AFG2B: variants seen among roughly 807,000 people sequenced by gnomAD.
The protein encoded by AFG2B is ATPase family gene 2 protein homolog B.
At chr15:45,418,093 C>T in the AFG2B span, among the ~76,000 whole-genome samples, 1 of 152,124 alleles carries the variant, frequency 6.6e-6, no homozygotes, top group African/African-American at 2.4e-5. Context: ...TCTGTAATCC[C>T]AGCACTTTGG....
chr15:45,410,185 G>T, the AFG2B span, among the ~76,000 whole-genome samples: 1 of 152,160 alleles, frequency 6.6e-6, no homozygotes, highest in Non-Finnish European at 1.5e-5. Context: ...ATCTTTCGGG[G>T]AAGAATTACT....
the AFG2B span, among the ~76,000 whole-genome samples, chr15:45,415,297 G>C: frequency 6.6e-6 from 1 of 152,018 alleles, no homozygotes; most frequent in Non-Finnish European, 1.5e-5. Context: ...AGGAGTTCAA[G>C]ACCAGCCTGG....
chr15:45,411,005 C>T, the AFG2B span, among the ~76,000 whole-genome samples: 2 of 152,108 alleles, frequency 1.3e-5, no homozygotes, highest in Non-Finnish European at 2.9e-5. Context: ...AGTTCAAGAC[C>T]AGCCTGGCCA....
At chr15:45,402,820 G>T in the AFG2B span, 1 of 1,597,414 alleles carries the variant, frequency 6.3e-7, no homozygotes, top group Non-Finnish European at 8.5e-7. Flanking sequence ...TACAGCCGCG[G>T]TGCTGGAGGC....
chr15:45,414,862 A>G, the AFG2B span: 4 of 1,216,982 alleles, frequency 3.3e-6, no homozygotes, highest in Non-Finnish European at 4.6e-6. Context: ...TAAAAATATT[A>G]CTAGTGTTTT....
the AFG2B span, among the ~76,000 whole-genome samples, chr15:45,407,439 T>A: frequency 6.6e-6 from 1 of 152,372 alleles, no homozygotes; most frequent in East Asian, 1.9e-4. Context: ...TGTACACACA[T>A]GATCTTGAAC....
the AFG2B span, chr15:45,403,664 C>A: frequency 9.9e-7 from 1 of 1,007,094 alleles, no homozygotes; most frequent in Non-Finnish European, 1.4e-6. Context: ...AGAACACGTT[C>A]TCTGCCGATA....
At chr15:45,414,865 A>G in the AFG2B span, 871 of 1,193,746 alleles carry the variant, frequency 7.3e-4, no homozygotes, top group Non-Finnish European at 9.4e-4. Flanking sequence ...AAATATTACT[A>G]GTGTTTTTTC....
At chr15:45,420,935 T>G in the AFG2B span, 1 of 1,089,912 alleles carries the variant, frequency 9.2e-7, no homozygotes, top group Non-Finnish European at 1.3e-6. Flanking sequence ...GAGGTTGCAG[T>G]GAGTCCAGAT....
chr15:45,414,852 T>C, the AFG2B span: 1 of 1,317,030 alleles, frequency 7.6e-7, no homozygotes, highest in African/African-American at 1.5e-5. Flanking sequence ...CAAACCTTTT[T>C]AAAAATATTA....
the AFG2B span, among the ~76,000 whole-genome samples, chr15:45,411,656 G>A: frequency 1.3e-4 from 20 of 152,042 alleles, no homozygotes; most frequent in Non-Finnish European, 1.5e-5. Flanking sequence ...GTGGTAGCAC[G>A]TGCTTATGGT....
the AFG2B span, chr15:45,414,839 G>A: frequency 7.0e-7 from 1 of 1,429,930 alleles, no homozygotes; most frequent in African/African-American, 1.4e-5. Context: ...CATTTCTTAT[G>A]GACAAACCTT....
the AFG2B span, chr15:45,418,628 C>T: frequency 1.3e-5 from 21 of 1,613,938 alleles, no homozygotes; most frequent in East Asian, 6.7e-5. Context: ...TAGAAAACCT[C>T]GCAGCAGAAA....
the AFG2B span, chr15:45,403,079 G>A: frequency 6.5e-7 from 1 of 1,530,836 alleles, no homozygotes; most frequent in Non-Finnish European, 8.7e-7. Flanking sequence ...GAGCTCCTCC[G>A]CCTCCCGCTC....
At chr15:45,403,595 CGT>C in the AFG2B span, 46 of 1,555,804 alleles carry the variant, frequency 3.0e-5, no homozygotes, top group Non-Finnish European at 3.6e-5. Context: ...GCCCCGGAGG[CGT>C]TTGCCTCTTA....
At chr15:45,415,647 A>C in the AFG2B span, 1 of 1,614,174 alleles carries the variant, frequency 6.2e-7, no homozygotes, top group Non-Finnish European at 8.5e-7. Flanking sequence ...AATTGATTCA[A>C]TCTTGGGAGC....
the AFG2B span, chr15:45,403,009 G>A: frequency 1.3e-6 from 2 of 1,587,274 alleles, no homozygotes. Flanking sequence ...TCCGTCGGAA[G>A]CCCAGCCGCA....
chr15:45,412,168 C>G, the AFG2B span, among the ~76,000 whole-genome samples: 2 of 151,894 alleles, frequency 1.3e-5, no homozygotes, highest in Non-Finnish European at 2.9e-5. Context: ...TTTGGGAGGC[C>G]GAGGCAGGAG....
chr15:45,403,600 G>C, the AFG2B span: 1 of 1,549,978 alleles, frequency 6.5e-7, no homozygotes, highest in Non-Finnish European at 8.6e-7. Flanking sequence ...GGAGGCGTTT[G>C]CCTCTTAGGT....
Sources: allele counts gnomAD v4.1 joint callset (sites outside exome capture counted in the v4.1 genomes callset), GRCh38; gene constraint gnomAD v4.1.1; transcripts MANE v1.5; gene names NCBI Gene and HGNC (gene_info 2026-07-23, HGNC 2026-07-21).